The following TPST1 variants were observed in gnomAD, a reference collection of about 807,000 sequenced individuals.
TPST1 encodes the protein protein-tyrosine sulfotransferase 1.
TPST1 carries 20 observed loss-of-function variants against 34.8 expected under a neutral mutation model. That is an observed-to-expected ratio of 0.57 (90% CI 0.40 to 0.84). The LOEUF is 0.84. Ranked by LOEUF, TPST1 falls within the 40% of genes least tolerant of loss-of-function variation. TPST1 has a pLI of 0.00. For synonymous variants in TPST1, 152 were observed against 159.4 expected (o/e 0.95, Z 0.35); for missense variants, 353 against 455.5 (o/e 0.78, Z 2.05).
At chr7:66,317,313 T>C (rs1452897639) in intron 3 of TPST1, among the ~76,000 whole-genome samples, 1 of 152,238 alleles carries the variant, frequency 6.6e-6, no homozygotes, top group Non-Finnish European at 1.5e-5. Flanking sequence ...GTCTCTCTTA[T>C]TAGTCTTTTC....
chr7:66,282,032 G>A (rs1314840854), intron 2 of TPST1, among the ~76,000 whole-genome samples: 3 of 152,272 alleles, frequency 2.0e-5, no homozygotes, highest in South Asian at 2.1e-4. Flanking sequence ...TGCATGGGCC[G>A]TGTGTATTGA....
intron 3 of TPST1, among the ~76,000 whole-genome samples, chr7:66,311,866 C>T (rs1349547221): frequency 6.6e-6 from 1 of 152,172 alleles, no homozygotes; most frequent in Non-Finnish European, 1.5e-5. Flanking sequence ...CTGATTGTGC[C>T]CTTTGACTCA....
At chr7:66,342,684 G>A (rs921445752) in intron 3 of TPST1, among the ~76,000 whole-genome samples, 1 of 152,172 alleles carries the variant, frequency 6.6e-6, no homozygotes. Context: ...AAGGGGAACA[G>A]GCACAGCACA....
chr7:66,221,049 C>G (rs1307447176), intron 1 of TPST1, among the ~76,000 whole-genome samples: 1 of 151,890 alleles, frequency 6.6e-6, no homozygotes, highest in Non-Finnish European at 1.5e-5. Context: ...AGGAGAATTG[C>G]TTGAACCTGG....
intron 2 of TPST1, among the ~76,000 whole-genome samples, chr7:66,273,315 C>T (rs574612605): frequency 2.4e-4 from 36 of 152,222 alleles, no homozygotes; most frequent in Middle Eastern, 3.4e-3. Context: ...ATCCTGTATT[C>T]GTGGATTGGA....
At chr7:66,201,471 A>G (rs1789035356), upstream of TPST1, among the ~76,000 whole-genome samples, 1 of 151,950 alleles carries the variant, frequency 6.6e-6, no homozygotes, top group African/African-American at 2.4e-5. Context: ...TGGGCAGATC[A>G]CATGAGGCCA....
intron 2 of TPST1, among the ~76,000 whole-genome samples, chr7:66,278,459 C>G (rs1172875823): frequency 6.6e-6 from 1 of 151,968 alleles, no homozygotes; most frequent in African/African-American, 2.4e-5. Context: ...CTTCGTGATT[C>G]TGCGAGTCCC....
intron 3 of TPST1, among the ~76,000 whole-genome samples, chr7:66,342,662 T>C (rs759052195): frequency 6.6e-6 from 1 of 152,082 alleles, no homozygotes; most frequent in African/African-American, 2.4e-5. Flanking sequence ...CTTTCCCTTA[T>C]GGTGGAACAC....
At chr7:66,258,787 A>G (rs376953573) in intron 2 of TPST1, among the ~76,000 whole-genome samples, 16 of 152,098 alleles carry the variant, frequency 1.1e-4, no homozygotes, top group African/African-American at 3.4e-4. Context: ...GTCTTTCCCA[A>G]TTATTTTTGC....
At chr7:66,213,215 A>G (rs2116230891) in intron 1 of TPST1, among the ~76,000 whole-genome samples, 2 of 152,290 alleles carry the variant, frequency 1.3e-5, no homozygotes, top group South Asian at 4.1e-4. Context: ...CACAGGACGT[A>G]AGGCACTATT....
chr7:66,240,852 C>T lies in TPST1; in HGVS notation c.427C>T (p.Leu143=). ...VLDSAMQAFL[L]EIIVKHGEPA... is the part of the protein sequence containing the mutation. The stretch of plus-strand genomic sequence containing the variant: ...GGATTCTGCCATGCAAGCCTTCTTA[C>T]TAGAAATTATCGTTAAGCATGGGGA... The change falls in exon 2 of 6, where the codon CTA becomes TTA. Residue 143 remains leucine (L), a synonymous_variant. Coordinates refer to ENST00000304842, the MANE Select transcript of TPST1 (RefSeq NM_003596.4). 1 of 1,614,190 alleles carries T rather than the reference C, an allele frequency of 6.2e-7. No homozygotes were observed. The highest frequency in any genetic ancestry group is 8.5e-7 in the Non-Finnish European group (1 of 1,180,032).
rs892467097 is a variant in TPST1 at position 66,243,169 on chromosome 7, T to TTG, written c.845+1917_845+1918dup. ...GGGGTGTGTGTGTGTGTGTGTGTGT[T>TTG]TGTGTGTGTGTGTGTGTGTTTAACA... On this transcript the variant is annotated intron_variant, in intron 2 of 5. Transcript: ENST00000304842. Among the ~76,000 whole-genome samples, 232 of 133,684 alleles carry TTG rather than the reference T, an allele frequency of 1.7e-3. 1 individual carries two copies. The highest frequency in any genetic ancestry group is 4.2e-3 in the African/African-American group (163 of 39,118). 87.7% of individuals were successfully genotyped at this position (133,684 alleles called of 152,430 possible). A position where few individuals can be genotyped will look rare whatever the true frequency, so the allele number is the denominator to read the frequency against.
At chr7:66,326,279 A>G (rs1791865386) in intron 3 of TPST1, among the ~76,000 whole-genome samples, 2 of 152,204 alleles carry the variant, frequency 1.3e-5, no homozygotes, top group African/African-American at 4.8e-5. Flanking sequence ...TAGATTTACA[A>G]TTAATGGTAA....
intron 4 of TPST1, among the ~76,000 whole-genome samples, chr7:66,355,023 T>C (rs1792555678): frequency 6.6e-6 from 1 of 152,064 alleles, no homozygotes; most frequent in African/African-American, 2.4e-5. Flanking sequence ...ACCATCTTTA[T>C]GACCATAAGA....
chr7:66,310,947 T>C (rs1323925139), intron 3 of TPST1, among the ~76,000 whole-genome samples: 1 of 152,056 alleles, frequency 6.6e-6, no homozygotes, highest in Non-Finnish European at 1.5e-5. Flanking sequence ...CACCTTGGCC[T>C]CCCAAAGTTC....
At chr7:66,297,094 A>G (rs1447934577) in intron 3 of TPST1, among the ~76,000 whole-genome samples, 1 of 152,206 alleles carries the variant, frequency 6.6e-6, no homozygotes, top group South Asian at 2.1e-4. Flanking sequence ...ATTAGCCACA[A>G]TTTCAGTGGA....
chr7:66,253,610 A>G (rs1790316529), intron 2 of TPST1, among the ~76,000 whole-genome samples: 1 of 151,394 alleles, frequency 6.6e-6, no homozygotes, highest in African/African-American at 2.4e-5. Context: ...TGACCTTGTG[A>G]TCCGCCCACC....
At chr7:66,349,800 G>C (rs918940156) in intron 3 of TPST1, among the ~76,000 whole-genome samples, 1 of 152,000 alleles carries the variant, frequency 6.6e-6, no homozygotes, top group Non-Finnish European at 1.5e-5. Flanking sequence ...TGAGAATCTG[G>C]TAAAAACAAA....
chr7:66,278,263 A>G (rs1345333050), intron 2 of TPST1, among the ~76,000 whole-genome samples: 1 of 152,046 alleles, frequency 6.6e-6, no homozygotes, highest in African/African-American at 2.4e-5. Context: ...GTGAAGTATG[A>G]GAGAATGTAG....
Sources: allele counts gnomAD v4.1 joint callset (sites outside exome capture counted in the v4.1 genomes callset), GRCh38; gene constraint gnomAD v4.1.1; transcripts MANE v1.5; gene names NCBI Gene and HGNC (gene_info 2026-07-23, HGNC 2026-07-21).